The following CRISPLD2 variants were observed in gnomAD, a reference collection of about 807,000 sequenced individuals.
CRISPLD2 encodes cysteine rich secretory protein LCCL domain containing 2, also known as cysteine-rich secretory protein LCCL domain-containing 2.
CRISPLD2 carries 47 observed loss-of-function variants against 71.1 expected under a neutral mutation model. That is an observed-to-expected ratio of 0.66 (90% CI 0.52 to 0.84). The LOEUF (loss-of-function observed/expected upper bound fraction) is 0.84. Among genes scored for constraint, CRISPLD2 ranks in the 40% least tolerant of loss-of-function variants. The pLI is 0.00. For missense variants in CRISPLD2, 830 were observed against 651.1 expected (o/e 1.27, Z -2.99); for synonymous variants, 317 against 250.1 (o/e 1.27, Z -2.52).
At chr16:84,866,353 C>G (rs1917536699) in intron 6 of CRISPLD2, among the ~76,000 whole-genome samples, 1 of 152,040 alleles carries the variant, frequency 6.6e-6, no homozygotes, top group Non-Finnish European at 1.5e-5. Flanking sequence ...CCTGCCTCAG[C>G]ACCCCCCAAG....
At chr16:84,830,954 T>G (rs554477870) in intron 1 of CRISPLD2, among the ~76,000 whole-genome samples, 1 of 152,180 alleles carries the variant, frequency 6.6e-6, no homozygotes, top group East Asian at 1.9e-4. Context: ...ACCAAGGGAA[T>G]TGGCAAACAC....
intron 7 of CRISPLD2, among the ~76,000 whole-genome samples, chr16:84,868,492 G>A (rs1880385777): frequency 1.3e-5 from 2 of 152,204 alleles, no homozygotes; most frequent in African/African-American, 4.8e-5. Context: ...GCAGAGCCCT[G>A]TGGGACCACA....
intron 13 of CRISPLD2, among the ~76,000 whole-genome samples, chr16:84,887,282 C>T (rs1015363148): frequency 6.6e-6 from 1 of 152,192 alleles, no homozygotes; most frequent in Non-Finnish European, 1.5e-5. Flanking sequence ...TCTGTCTCTA[C>T]ACTACACGTG....
intron 12 of CRISPLD2, among the ~76,000 whole-genome samples, chr16:84,879,571 A>G (rs2143312257): frequency 6.6e-6 from 1 of 152,250 alleles, no homozygotes; most frequent in Non-Finnish European, 1.5e-5. Context: ...CATGTTGGCC[A>G]GGCTGGTCTC....
Position 84,880,549 on chromosome 16 carries a change from T to C in CRISPLD2, c.1270T>C (p.Trp424Arg). The C allele has an allele frequency of 1.2e-6, 2 of 1,613,980 alleles. No individual in the cohort carries two copies. Among genetic ancestry groups the C allele is most frequent in the African/African-American group, 1.3e-5 (1 of 75,042 alleles). Residue 424 changes from tryptophan to arginine, a missense_variant, in exon 13 of 15, where the codon TGG (tryptophan) becomes CGG (arginine). Trp to Arg is a moderately radical substitution (Grantham distance 101, BLOSUM62 -3). Transcript: ENST00000262424. ...PAHCKDEPSY[W>R]APVFGTNIYA... Reference sequence around the variant, plus strand: ...ACACTGCAAAGACGAACCTTCCTACTGGGCTCCGGTGTTTGGAACCAACAT... The same window carrying C: ...ACACTGCAAAGACGAACCTTCCTACCGGGCTCCGGTGTTTGGAACCAACAT...
intron 2 of CRISPLD2, among the ~76,000 whole-genome samples, chr16:84,842,851 C>A (rs893570727): frequency 6.6e-6 from 1 of 152,132 alleles, no homozygotes; most frequent in Non-Finnish European, 1.5e-5. Flanking sequence ...GGAGGCCCCA[C>A]GTCTCTCTGG....
At chr16:84,871,670 G>C (rs1055093078) in intron 8 of CRISPLD2, among the ~76,000 whole-genome samples, 1 of 151,604 alleles carries the variant, frequency 6.6e-6, no homozygotes, top group African/African-American at 2.4e-5. Flanking sequence ...TCCTGCCTCA[G>C]CCTCCCAAGT....
At chr16:84,905,835 G>A (rs538025006) in intron 14 of CRISPLD2, among the ~76,000 whole-genome samples, 9 of 150,250 alleles carry the variant, frequency 6.0e-5, no homozygotes, top group African/African-American at 1.2e-4. Flanking sequence ...TCAGCCTCCC[G>A]AGTAGCTGGG....
chr16:84,889,641 T>G (rs2934477), intron 14 of CRISPLD2, among the ~76,000 whole-genome samples: 97,236 of 151,562 alleles, frequency 0.64, 31,951 homozygotes, highest in East Asian at 0.87. Flanking sequence ...AGAAAATTTA[T>G]AATCTGTAGG....
intron 6 of CRISPLD2, among the ~76,000 whole-genome samples, chr16:84,856,027 A>G (rs562579133): frequency 1.8e-4 from 27 of 152,358 alleles, no homozygotes; most frequent in Admixed American, 9.2e-4. Context: ...CATATCTGCA[A>G]CTGGTCACGT....
intron 1 of CRISPLD2, among the ~76,000 whole-genome samples, chr16:84,837,707 G>A (rs1033224652): frequency 1.3e-5 from 2 of 152,120 alleles, no homozygotes; most frequent in African/African-American, 2.4e-5. Flanking sequence ...GTGAGCCACC[G>A]CCCCCGGCCA....
At chr16:84,821,352 A>G (rs1001647987) in intron 1 of CRISPLD2, among the ~76,000 whole-genome samples, 2 of 152,126 alleles carry the variant, frequency 1.3e-5, no homozygotes, top group African/African-American at 4.8e-5. Flanking sequence ...GTTCCCACTC[A>G]GGAGAAGGGG....
chr16:84,838,258 A>T (rs995490228), intron 1 of CRISPLD2, among the ~76,000 whole-genome samples, 164 bp from the exon 2 acceptor site: 1 of 152,126 alleles, frequency 6.6e-6, no homozygotes, highest in African/African-American at 2.4e-5. Flanking sequence ...TCCCAGCTCC[A>T]CCACTTCCTG....
chr16:84,895,304 C>T (rs898427714), intron 14 of CRISPLD2, among the ~76,000 whole-genome samples: 1 of 152,218 alleles, frequency 6.6e-6, no homozygotes, highest in African/African-American at 2.4e-5. Flanking sequence ...CTCATGACTT[C>T]CTCAGCCTGG....
chr16:84,850,270 T>C (rs1435500628), intron 4 of CRISPLD2, among the ~76,000 whole-genome samples: 2 of 152,026 alleles, frequency 1.3e-5, no homozygotes, highest in East Asian at 1.9e-4. Context: ...TTTGTTTTTT[T>C]AGTAGAGATG....
At position 84,906,908 on chromosome 16, in the gene CRISPLD2, A is replaced by G. The variant is rs2071807974; in HGVS notation, c.*266A>G. 7.4e-6 allele frequency: 4 copies of G among 543,612 alleles called. No homozygotes were observed. In the East Asian group the frequency reaches 1.3e-4, roughly 18 times the overall value. The allele number at this position is 543,612 out of a possible 1,614,324, so 33.7% of individuals were successfully genotyped here. ...CATCTGGACGTCCTCTCTCCTTTAG[A>G]GATCTGAGCTGTCTCTTAAAGGGGA... On this transcript the variant is annotated 3_prime_UTR_variant, in exon 15 of 15. Coordinates refer to ENST00000262424, the MANE Select transcript of CRISPLD2 (RefSeq NM_031476.4).
At chr16:84,837,723 A>G (rs1194331836) in intron 1 of CRISPLD2, among the ~76,000 whole-genome samples, 1 of 149,552 alleles carries the variant, frequency 6.7e-6, no homozygotes, top group Non-Finnish European at 1.5e-5. Context: ...GGCCAGCCAC[A>G]GGTTTCTTAT....
At chr16:84,877,683 C>G (rs1057069634) in intron 12 of CRISPLD2, among the ~76,000 whole-genome samples, 173 bp downstream of exon 12, 2 of 151,704 alleles carry the variant, frequency 1.3e-5, no homozygotes, top group Admixed American at 6.6e-5. Context: ...AACCCCATTT[C>G]TACTAAAATT....
chr16:84,883,842 A>AT (rs11371326), intron 13 of CRISPLD2, among the ~76,000 whole-genome samples: 23,216 of 133,108 alleles, frequency 0.17, 2,306 homozygotes, highest in Middle Eastern at 0.24. Flanking sequence ...GTCTTATTTA[A>AT]TTTTTTTTTT....
Sources: gnomAD v4.1 joint callset for allele counts (sites outside exome capture counted in the v4.1 genomes callset) on GRCh38, gnomAD v4.1.1 for gene constraint, MANE v1.5 for transcripts, NCBI Gene and HGNC (gene_info 2026-07-23, HGNC 2026-07-21) for gene names.